The following STK32B variants were observed in gnomAD, a reference collection of about 807,000 sequenced individuals.
STK32B encodes the protein serine/threonine kinase 32B.
A neutral mutation model predicts 52.6 loss-of-function variants in STK32B; 43 were observed. That is an observed-to-expected ratio of 0.82 (90% CI 0.64 to 1.05). The LOEUF is 1.05. Ranked by LOEUF, STK32B falls within the 50% of genes least tolerant of loss-of-function variation. The pLI, the probability that STK32B is intolerant of heterozygous loss-of-function variation, is 0.00. For missense variants in STK32B, 621 were observed against 534.6 expected, an observed-to-expected ratio of 1.16 and a Z score of -1.59; for synonymous variants, 238 against 204.3, an observed-to-expected ratio of 1.17 and a Z score of -1.41.
intron 3 of STK32B, among the ~76,000 whole-genome samples, chr4:5,206,577 G>T (rs1353918884): frequency 6.6e-6 from 1 of 152,122 alleles, no homozygotes; most frequent in Admixed American, 6.5e-5. Flanking sequence ...CCTGGCAGAT[G>T]GATAGGCCGA....
chr4:5,219,374 A>AT (rs1202403637), intron 3 of STK32B, among the ~76,000 whole-genome samples: 1 of 152,080 alleles, frequency 6.6e-6, no homozygotes, highest in Non-Finnish European at 1.5e-5. Flanking sequence ...ACAACACTAC[A>AT]TTTTTTTCGG....
chr4:5,317,194 T>TATATATATTATATATATAAC (rs1731049889), intron 3 of STK32B, among the ~76,000 whole-genome samples: 10 of 53,414 alleles, frequency 1.9e-4, no homozygotes, highest in East Asian at 1.5e-3. Context: ...ATATATAACA[T>TATATATATTATATATATAAC]ATATATATTA....
chr4:5,259,259 T>A (rs1437804058), intron 3 of STK32B, among the ~76,000 whole-genome samples: 1 of 152,232 alleles, frequency 6.6e-6, no homozygotes, highest in African/African-American at 2.4e-5. Flanking sequence ...GTAAGCTCCA[T>A]GAGGACAGGA....
rs1447430685 is a variant in STK32B at position 5,500,777 on chromosome 4, TCAA to T, written c.*1699_*1701del. 2 of 152,166 alleles carry T rather than the reference TCAA, an allele frequency of 1.3e-5. No homozygotes were observed. The highest frequency in any genetic ancestry group is 6.5e-5 in the Admixed American group (1 of 15,268). The allele number at this position is 152,166 out of a possible 1,614,324, so 9.4% of individuals were successfully genotyped here. ...CACTTTTCTTTACTTCATGTCCCCATCAACAACCGTCCTGCTCCCCACCTCCCC... is the reference window on the plus strand; with the variant it reads ...CACTTTTCTTTACTTCATGTCCCCATCAACCGTCCTGCTCCCCACCTCCCC... On this transcript the variant is annotated 3_prime_UTR_variant, in exon 12 of 12. Transcript: ENST00000282908.
At chr4:5,104,607 C>T (rs1296154437) in intron 1 of STK32B, among the ~76,000 whole-genome samples, 1 of 152,122 alleles carries the variant, frequency 6.6e-6, no homozygotes, top group African/African-American at 2.4e-5. Flanking sequence ...AGAAAGTGAA[C>T]ATATACATGT....
intron 7 of STK32B, among the ~76,000 whole-genome samples, chr4:5,448,437 G>A (rs1008416913): frequency 6.6e-6 from 1 of 152,176 alleles, no homozygotes; most frequent in Non-Finnish European, 1.5e-5. Context: ...TCCGCCAGAG[G>A]CTGTTAATCT....
upstream of STK32B, among the ~76,000 whole-genome samples, chr4:5,050,927 T>G (rs941593531): frequency 6.6e-6 from 1 of 152,156 alleles, no homozygotes; most frequent in Non-Finnish European, 1.5e-5. Flanking sequence ...GGAGAATGGT[T>G]TGGGGCAAAC....
chr4:5,289,922 T>A (rs1421728944), intron 3 of STK32B, among the ~76,000 whole-genome samples: 2 of 151,966 alleles, frequency 1.3e-5, no homozygotes, highest in East Asian at 3.9e-4. Context: ...GTAAATTGTG[T>A]GTCATGAGGT....
intron 5 of STK32B, among the ~76,000 whole-genome samples, chr4:5,401,534 GT>G (rs1361849329): frequency 6.6e-6 from 1 of 152,156 alleles, no homozygotes; most frequent in African/African-American, 2.4e-5. Flanking sequence ...ATCTTTCAGG[GT>G]TTTATGTCTT....
chr4:5,053,606 C>T (rs1403182729), intron 1 of STK32B, among the ~76,000 whole-genome samples: 2 of 152,132 alleles, frequency 1.3e-5, no homozygotes, highest in Admixed American at 6.5e-5. Flanking sequence ...TGTAGCCAAC[C>T]TTTTGATTTT....
chr4:5,460,523 C>T lies in STK32B; in HGVS notation c.909+295C>T, dbSNP rs964613875. Among the ~76,000 whole-genome samples the T allele has an allele frequency of 6.6e-6, 1 of 152,222 alleles. No individual in the cohort carries two copies. The highest frequency in any genetic ancestry group is 1.5e-5 in the Non-Finnish European group (1 of 68,054). On this transcript the variant is annotated intron_variant, in intron 9 of 11. Coordinates refer to ENST00000282908, the MANE Select transcript of STK32B (RefSeq NM_018401.3). This position sits in a 1 kb window ranked among gnomAD's most constrained non-coding sequence, Gnocchi z 4.8. ...TGTGGGGATAGCAGGCTGATCTACC[C>T]TTCTGCCTCCACAGAGCTGACTGCC...
At chr4:5,080,940 A>G (rs73089640) in intron 1 of STK32B, among the ~76,000 whole-genome samples, 3,266 of 152,216 alleles carry the variant, frequency 0.021, 129 homozygotes, top group African/African-American at 0.073. Context: ...CTTTTAGCCA[A>G]CAGCTCCCTA....
Position 5,467,299 on chromosome 4 carries a change from C to G in STK32B, c.1041+465C>G, listed in dbSNP as rs1437135291. Among the ~76,000 whole-genome samples the G allele has an allele frequency of 6.6e-6, 1 of 152,186 alleles. No individual in the cohort carries two copies. Among genetic ancestry groups the G allele is most frequent in the East Asian group, 1.9e-4 (1 of 5,176 alleles). ...TCCAAACTCAAGGTCTCCGCAGAGC[C>G]CAGCTCTCTCCAAAGGCTATAGGGG... On this transcript the variant is annotated intron_variant, in intron 10 of 11. Transcript: ENST00000282908. The surrounding 1 kb of genome is among the most constrained non-coding windows in gnomAD (Gnocchi z 5.8).
chr4:5,133,459 A>T (rs1053804658), intron 1 of STK32B, among the ~76,000 whole-genome samples: 5 of 151,952 alleles, frequency 3.3e-5, no homozygotes, highest in Admixed American at 2.6e-4. Context: ...CCACTACTCA[A>T]TGTAGGTCAT....
chr4:5,182,294 A>C (rs549339860), intron 3 of STK32B, among the ~76,000 whole-genome samples: 1 of 152,230 alleles, frequency 6.6e-6, no homozygotes, highest in South Asian at 2.1e-4. Context: ...AATTTCTTCT[A>C]AACTCCTGTT....
chr4:5,268,213 G>A (rs150607264), intron 3 of STK32B, among the ~76,000 whole-genome samples: 4 of 152,202 alleles, frequency 2.6e-5, no homozygotes, highest in African/African-American at 9.6e-5. Flanking sequence ...ACCACACTCC[G>A]CTGCATACCT....
intron 11 of STK32B, among the ~76,000 whole-genome samples, chr4:5,488,032 G>A (rs1458233458): frequency 6.6e-6 from 1 of 152,114 alleles, no homozygotes; most frequent in Non-Finnish European, 1.5e-5. Flanking sequence ...TGGTCTATAG[G>A]CAGATAACAA....
At chr4:5,316,786 C>CATATATATT (rs1730867143) in intron 3 of STK32B, among the ~76,000 whole-genome samples, 1 of 130 alleles carries the variant, frequency 7.7e-3, no homozygotes, top group Non-Finnish European at 9.4e-3. Context: ...ATATATTATA[C>CATATATATT]ATATATATTA....
At chr4:5,364,096 C>G (rs550300426) in intron 4 of STK32B, among the ~76,000 whole-genome samples, 12 of 151,134 alleles carry the variant, frequency 7.9e-5, no homozygotes, top group Admixed American at 2.0e-4. Flanking sequence ...ACTGACCCCC[C>G]CCACTGTCCA....
Sources: gnomAD v4.1 joint callset for allele counts (sites outside exome capture counted in the v4.1 genomes callset) on GRCh38, gnomAD v4.1.1 for gene constraint, Gnocchi (gnomAD v3.1) non-coding constraint, MANE v1.5 for transcripts, NCBI Gene and HGNC (gene_info 2026-07-23, HGNC 2026-07-21) for gene names.